QKI: variants seen among roughly 807,000 people sequenced by gnomAD.
The protein encoded by QKI is KH domain-containing RNA-binding protein QKI.
In QKI, 10 loss-of-function variants were observed where a neutral mutation model predicts 39.0. The observed-to-expected ratio is 0.26, with a 90% CI of 0.16 to 0.43. QKI has a LOEUF of 0.43. Among genes scored for constraint, QKI ranks in the 20% least tolerant of loss-of-function variants. The pLI is 1.00. For synonymous variants in QKI, 204 were observed against 155.4 expected (o/e 1.31, Z -2.33); for missense variants, 218 against 428.0 (o/e 0.51, Z 4.33).
At chr6:163,505,622 C>T (rs565590069) in intron 3 of QKI, among the ~76,000 whole-genome samples, 5 of 152,244 alleles carry the variant, frequency 3.3e-5, no homozygotes, top group African/African-American at 1.2e-4. Context: ...TTGTTTTGGC[C>T]AATTTCTCCC....
chr6:163,480,274 TCTC>T (rs1792976980), intron 3 of QKI, among the ~76,000 whole-genome samples: 1 of 152,168 alleles, frequency 6.6e-6, no homozygotes, highest in Non-Finnish European at 1.5e-5. Flanking sequence ...TCTCTCTCTC[TCTC>T]TTTCTTCCTT....
intron 3 of QKI, among the ~76,000 whole-genome samples, chr6:163,515,232 A>G (rs751788956): frequency 6.6e-6 from 1 of 152,182 alleles, no homozygotes; most frequent in Non-Finnish European, 1.5e-5. Context: ...AGCTATGTCT[A>G]GGATATGGAG....
chr6:163,474,699 G>C (rs752167902), intron 2 of QKI, among the ~76,000 whole-genome samples: 1 of 151,632 alleles, frequency 6.6e-6, no homozygotes, highest in Admixed American at 6.6e-5. Context: ...TTAGGCACTG[G>C]GGTGGAGTGG....
intron 3 of QKI, among the ~76,000 whole-genome samples, chr6:163,487,953 C>T (rs1777782006): frequency 6.6e-6 from 1 of 151,892 alleles, no homozygotes; most frequent in African/African-American, 2.4e-5. Context: ...CAGTTTTTAT[C>T]AGAAAGGCGG....
chr6:163,546,068 A>G (rs1172283887), intron 4 of QKI, among the ~76,000 whole-genome samples: 1 of 148,906 alleles, frequency 6.7e-6, no homozygotes, highest in African/African-American at 2.4e-5. Context: ...TTTATGTCCC[A>G]TAAACTTCTC....
At chr6:163,563,886 T>A (rs1783188421) in intron 6 of QKI, 167 bp downstream of exon 6, 1 of 1,421,312 alleles carries the variant, frequency 7.0e-7, no homozygotes, top group Admixed American at 3.1e-5. Flanking sequence ...GGGTTCCCCT[T>A]TGAAATAATT....
intron 3 of QKI, among the ~76,000 whole-genome samples, chr6:163,504,238 C>T (rs1583114578): frequency 6.6e-6 from 1 of 152,070 alleles, no homozygotes; most frequent in Non-Finnish European, 1.5e-5. Context: ...TATACCAGTA[C>T]CATAATGTTT....
At chr6:163,478,634 A>T (rs989919335) in intron 2 of QKI, 146 bp from the exon 3 acceptor site, 6 of 607,500 alleles carry the variant, frequency 9.9e-6, no homozygotes, top group Non-Finnish European at 1.7e-5. Context: ...TTAGCAAGAA[A>T]TTCATAAGGG....
intron 4 of QKI, 114 bp downstream of exon 4, chr6:163,535,239 A>G (rs1229542767): frequency 2.1e-5 from 24 of 1,150,246 alleles, no homozygotes; most frequent in Non-Finnish European, 2.7e-5. Context: ...AATTTTATTT[A>G]AGCATAAAAT....
At chr6:163,441,312 T>C (rs1357070497) in intron 1 of QKI, among the ~76,000 whole-genome samples, 1 of 152,198 alleles carries the variant, frequency 6.6e-6, no homozygotes, top group Non-Finnish European at 1.5e-5. Context: ...ACTGTGCATT[T>C]ATATTACTTT....
chr6:163,498,556 T>C (rs552064203), intron 3 of QKI, among the ~76,000 whole-genome samples: 169 of 152,192 alleles, frequency 1.1e-3, no homozygotes, highest in African/African-American at 4.0e-3. Flanking sequence ...CCCCCTTCAC[T>C]TTCAGGCCCC....
chr6:163,522,007 A>G (rs1780192746), intron 3 of QKI, among the ~76,000 whole-genome samples: 1 of 152,176 alleles, frequency 6.6e-6, no homozygotes, highest in Non-Finnish European at 1.5e-5. Flanking sequence ...GCCATTTTTT[A>G]AGGAAGATAC....
At chr6:163,477,474 A>G (rs544033417) in intron 2 of QKI, among the ~76,000 whole-genome samples, 2 of 152,320 alleles carry the variant, frequency 1.3e-5, no homozygotes, top group South Asian at 2.1e-4. Context: ...CTAAATTGGA[A>G]GTACTTTGTT....
At chr6:163,513,381 T>C (rs1320942500) in intron 3 of QKI, among the ~76,000 whole-genome samples, 2 of 152,196 alleles carry the variant, frequency 1.3e-5, no homozygotes. Flanking sequence ...ATACATAAAA[T>C]ACACAAAACA....
intron 1 of QKI, among the ~76,000 whole-genome samples, chr6:163,420,951 A>G (rs1787950903): frequency 6.6e-6 from 1 of 152,322 alleles, no homozygotes; most frequent in South Asian, 2.1e-4. Flanking sequence ...ACTTTCTTGA[A>G]GGTGCCTACC....
intron 4 of QKI, among the ~76,000 whole-genome samples, chr6:163,546,242 A>G (rs150695077): frequency 2.8e-4 from 43 of 151,868 alleles, no homozygotes; most frequent in African/African-American, 1.0e-3. Context: ...CTTTAGTTCA[A>G]TTATTTTCAT....
chr6:163,539,421 A>T (rs1781385008), intron 4 of QKI, among the ~76,000 whole-genome samples: 1 of 152,128 alleles, frequency 6.6e-6, no homozygotes, highest in South Asian at 2.1e-4. Flanking sequence ...AGATTTTATT[A>T]TGTTTATAAA....
chr6:163,430,685 C>T (rs1788753146), intron 1 of QKI, among the ~76,000 whole-genome samples: 1 of 152,130 alleles, frequency 6.6e-6, no homozygotes, highest in African/African-American at 2.4e-5. Flanking sequence ...TACCAGTATG[C>T]TTTCTTTTCC....
chr6:163,492,238 G>C (rs1778101547), intron 3 of QKI, among the ~76,000 whole-genome samples: 1 of 152,060 alleles, frequency 6.6e-6, no homozygotes, highest in South Asian at 2.1e-4. Context: ...TAAGCCTAGG[G>C]AGCCATCCTA....
Sources: gnomAD v4.1 joint callset for allele counts (sites outside exome capture counted in the v4.1 genomes callset) on GRCh38, gnomAD v4.1.1 for gene constraint, MANE v1.5 for transcripts, NCBI Gene and HGNC (gene_info 2026-07-23, HGNC 2026-07-21) for gene names.